INTS11: variants seen among roughly 807,000 people sequenced by gnomAD.
INTS11 encodes integrator complex subunit 11.
Under a neutral mutation model 78.6 loss-of-function variants are expected in INTS11, and 77 were observed. The observed-to-expected ratio is 0.98, with a 90% CI of 0.81 to 1.18. The LOEUF (loss-of-function observed/expected upper bound fraction) is 1.18, where lower values mean the gene tolerates loss of function less well. Ranked by LOEUF, INTS11 falls within the 50% of genes most tolerant of loss-of-function variation. The probability of loss-of-function intolerance (pLI) is 0.00; values close to 1 mark genes in which losing one functional copy is unlikely to be tolerated. For synonymous variants in INTS11, 441 were observed against 326.9 expected (o/e 1.35, Z -3.77); for missense variants, 875 against 825.9 (o/e 1.06, Z -0.73).
In INTS11 at chr1:1,313,720, C is replaced by T. The variant is rs777747786; in HGVS notation, c.957+12G>A. On this transcript the variant is annotated intron_variant, in intron 9 of 16. Transcript: ENST00000435064. ...GTGTGGATGTGCTGGCCGGCCCTGC[C>T]GCGGGCCTCACCATCGGTCCTGGGT... 60 of 1,610,846 alleles carry T rather than the reference C, an allele frequency of 3.7e-5. No homozygotes were observed. Among genetic ancestry groups the T allele is most frequent in the Admixed American group, 6.7e-5 (4 of 59,976 alleles).
chr1:1,312,964 G>A lies in INTS11; in HGVS notation c.1132-15C>T, dbSNP rs562299323. 1.2e-6 allele frequency: 2 copies of A among 1,611,722 alleles called. No homozygotes were observed. Among genetic ancestry groups the A allele is most frequent in the Non-Finnish European group, 8.5e-7 (1 of 1,179,224 alleles). ...TTGACCTCCAGCTACAGAGGCCACG[G>A]GGCGTGGACAGTGGTTACCACCAGG... is the stretch of plus-strand genomic sequence containing the variant. On this transcript the variant is annotated splice_polypyrimidine_tract_variant and intron_variant, in intron 11 of 16. Coordinates refer to ENST00000435064, the MANE Select transcript of INTS11 (RefSeq NM_017871.6).
chr1:1,322,979 G>A lies in INTS11; in HGVS notation c.28+1602C>T, dbSNP rs939850489. On this transcript the variant is annotated intron_variant, in intron 1 of 16. Transcript: ENST00000435064. Reference sequence around the variant, plus strand: ...AAAGATCAGAAAGATCAGATGTCCAGAGAGTGGGCAGAACAGGCAGCCAAG... The same window carrying A: ...AAAGATCAGAAAGATCAGATGTCCAAAGAGTGGGCAGAACAGGCAGCCAAG... The A allele has an allele frequency of 4.4e-6, 6 of 1,375,570 alleles. No individual in the cohort carries two copies. In the African/African-American group the frequency reaches 5.8e-5, roughly 13 times the overall value. 85.2% of individuals were successfully genotyped at this position (1,375,570 alleles called of 1,614,324 possible).
chr1:1,313,455 G>A (rs1642368048), intron 10 of INTS11, 54 bp downstream of exon 10: 3 of 1,590,546 alleles, frequency 1.9e-6, no homozygotes, highest in South Asian at 1.1e-5. Flanking sequence ...ATGGGTGGAA[G>A]GACAACCCGT....
chr1:1,314,074 A>G lies in INTS11; in HGVS notation c.768-153T>C. 1 of 830,030 alleles carries G rather than the reference A, an allele frequency of 1.2e-6. No individual in the cohort carries two copies. The highest frequency in any genetic ancestry group is 1.7e-5 in the African/African-American group (1 of 58,608). The allele number at this position is 830,030 out of a possible 1,614,324, so 51.4% of individuals were successfully genotyped here. On this transcript the variant is annotated intron_variant, in intron 8 of 16. Coordinates refer to ENST00000435064, the MANE Select transcript of INTS11 (RefSeq NM_017871.6). This position sits in a 1 kb window ranked among gnomAD's most constrained non-coding sequence, Gnocchi z 4.2. ...GACCACTTGTCCCATTAAGCCCTGC[A>G]GCAGCCGGGCTCAGCGGAGAACCAG... is the stretch of plus-strand genomic sequence containing the variant.
intron 10 of INTS11, 101 bp from the exon 11 acceptor site, chr1:1,313,225 C>T: frequency 7.3e-7 from 1 of 1,368,262 alleles, no homozygotes; most frequent in South Asian, 1.2e-5. Flanking sequence ...GCTGTTTCCA[C>T]CTGCCAGCGG....
intron 6 of INTS11, 123 bp downstream of exon 6, chr1:1,315,281 A>G: frequency 8.2e-7 from 1 of 1,226,254 alleles, no homozygotes; most frequent in South Asian, 1.3e-5. Context: ...GGGGCTCTCC[A>G]GGCCGCACAG....
chr1:1,315,295 A>G (rs930556944), intron 6 of INTS11, 109 bp downstream of exon 6: 104 of 1,347,426 alleles, frequency 7.7e-5, no homozygotes, highest in Non-Finnish European at 1.1e-4. Context: ...CGCACAGGAC[A>G]TGGGAGACAC....
At position 1,314,442 on chromosome 1, in the gene INTS11, C is replaced by T. The variant is rs1642448964; in HGVS notation, c.703-77G>A. On this transcript the variant is annotated intron_variant, in intron 7 of 16. Coordinates refer to ENST00000435064, the MANE Select transcript of INTS11 (RefSeq NM_017871.6). This position sits in a 1 kb window ranked among gnomAD's most constrained non-coding sequence, Gnocchi z 4.2. ...AGGCAGCGTCCAGTGAGGGCACGGCCAGGTGCCCAAGAGCTGCGGCCTCAT... is the reference window on the plus strand; with the variant it reads ...AGGCAGCGTCCAGTGAGGGCACGGCTAGGTGCCCAAGAGCTGCGGCCTCAT... 2.2e-6 allele frequency: 3 copies of T among 1,345,660 alleles called. No individual in the cohort carries two copies. The highest frequency in any genetic ancestry group is 2.5e-5 in the East Asian group (1 of 40,236). 83.4% of individuals were successfully genotyped at this position (1,345,660 alleles called of 1,614,324 possible). A position where few individuals can be genotyped will look rare whatever the true frequency, so the allele number is the denominator to read the frequency against.
rs754668885 is a variant in INTS11, at chr1:1,314,297, C to T, written c.767+4G>A. 1.3e-6 allele frequency: 2 copies of T among 1,595,282 alleles called. No individual in the cohort carries two copies. The highest frequency in any genetic ancestry group is 1.7e-6 in the Non-Finnish European group (2 of 1,172,344). ...CCTTAAAGAGCCGTCCTGGCGGCAC[C>T]TACCAGAAGGTCTCCAGGAGGATGC... On this transcript the variant is annotated splice_donor_region_variant and intron_variant, in intron 8 of 16. Coordinates refer to ENST00000435064, the MANE Select transcript of INTS11 (RefSeq NM_017871.6). This position sits in a 1 kb window ranked among gnomAD's most constrained non-coding sequence, Gnocchi z 4.2.
At position 1,314,480 on chromosome 1, in the gene INTS11, C is replaced by T. The variant is rs1642450998; in HGVS notation, c.703-115G>A. The T allele has an allele frequency of 3.4e-6, 3 of 880,894 alleles. No homozygotes were observed. Among genetic ancestry groups the T allele is most frequent in the Middle Eastern group, 3.6e-4 (1 of 2,812 alleles). The allele number at this position is 880,894 out of a possible 1,614,324, so 54.6% of individuals were successfully genotyped here. On this transcript the variant is annotated intron_variant, in intron 7 of 16. Coordinates refer to ENST00000435064, the MANE Select transcript of INTS11 (RefSeq NM_017871.6). The surrounding 1 kb of genome is among the most constrained non-coding windows in gnomAD (Gnocchi z 4.2). ...GCTGCGGCCTCATAGGGACCTTAGC[C>T]TCTCATCTGCTCCCAGTCCCGTCCC...
intron 1 of INTS11, chr1:1,322,987 G>A: frequency 7.2e-7 from 1 of 1,382,438 alleles, no homozygotes; most frequent in Non-Finnish European, 9.4e-7. Flanking sequence ...CAGAGAGTGG[G>A]CAGAACAGGC....
intron 1 of INTS11, chr1:1,322,806 C>T (rs1277772369): frequency 6.0e-6 from 5 of 831,324 alleles, no homozygotes; most frequent in African/African-American, 3.6e-5. Context: ...AAGGACACAG[C>T]AGTGGTCCAG....
chr1:1,317,542 G>C, intron 4 of INTS11: 1 of 710,532 alleles, frequency 1.4e-6, no homozygotes, highest in Non-Finnish European at 1.7e-6. Context: ...AGTTTCAAGA[G>C]GTTGAACGTC....
chr1:1,323,617 G>C (rs563247256), intron 1 of INTS11, among the ~76,000 whole-genome samples: 2 of 150,804 alleles, frequency 1.3e-5, no homozygotes, highest in African/African-American at 4.9e-5. Flanking sequence ...TGCCATGTTG[G>C]CTAGGTTGGT....
At position 1,321,051 on chromosome 1, in the gene INTS11, A is replaced by T; in HGVS notation, c.71T>A (p.Ile24Asn). The T allele has an allele frequency of 6.2e-7, 1 of 1,613,038 alleles. No individual in the cohort carries two copies. The highest frequency in any genetic ancestry group is 8.5e-7 in the Non-Finnish European group (1 of 1,179,870). ...DVGRSCILVSIAGKNVMLDCG... is the reference protein window; with the variant it reads ...DVGRSCILVSNAGKNVMLDCG... ...GTCCAGCATGACATTCTTGCCCGCA[A>T]TGGAGACCAGGATGCAGCTTCGGCC... Residue 24 changes from isoleucine to asparagine, a missense_variant, in exon 2 of 17, where the codon ATT becomes AAT. Coordinates refer to ENST00000435064, the MANE Select transcript of INTS11 (RefSeq NM_017871.6).
intron 4 of INTS11, chr1:1,316,742 C>G (rs111741267): frequency 1.3e-5 from 2 of 150,508 alleles, no homozygotes; most frequent in African/African-American, 4.9e-5. Context: ...CTGACCAACA[C>G]GGAAAAAGCC....
intron 4 of INTS11, 27 bp from the exon 5 acceptor site, chr1:1,315,645 CTG>C: frequency 6.6e-7 from 1 of 1,524,100 alleles, no homozygotes; most frequent in African/African-American, 1.4e-5. Context: ...TGCGCTCAGG[CTG>C]TGTCCTCACA....
At position 1,313,798 on chromosome 1, in the gene INTS11, C is replaced by G; in HGVS notation, c.891G>C (p.Arg297Ser). ...NQKIRKTFVQRNMFEFKHIKA... is the reference protein window; with the variant it reads ...NQKIRKTFVQSNMFEFKHIKA... The stretch of plus-strand genomic sequence containing the variant: ...TGATGTGCTTGAACTCAAACATGTT[C>G]CTCTGCACGAAAGTCTTGCGGATCT... The change falls in exon 9 of 17, where the codon AGG becomes AGC. Residue 297 changes from arginine to serine, a missense_variant. Transcript: ENST00000435064. 1 of 1,613,512 alleles carries G rather than the reference C, an allele frequency of 6.2e-7. No homozygotes were observed. Among genetic ancestry groups the G allele is most frequent in the Non-Finnish European group, 8.5e-7 (1 of 1,179,992 alleles).
At position 1,319,437 on chromosome 1, in the gene INTS11, G is replaced by T. The variant is rs1455773218; in HGVS notation, c.288C>A (p.Thr96=). 1 of 1,612,998 alleles carries T rather than the reference G, an allele frequency of 6.2e-7. No homozygotes were observed. The highest frequency in any genetic ancestry group is 1.3e-5 in the African/African-American group (1 of 75,050). ...YDGPIYMTHP[T]QAICPILLED... ...CCAGCAAGATGGGGCAGATGGCCTGGGTGGGGTGAGTCATGTAGATGGGCC... is the reference window on the plus strand; with the variant it reads ...CCAGCAAGATGGGGCAGATGGCCTGTGTGGGGTGAGTCATGTAGATGGGCC... The change falls in exon 4 of 17, where the codon ACC becomes ACA. Residue 96 remains threonine, a synonymous_variant. Coordinates refer to ENST00000435064, the MANE Select transcript of INTS11 (RefSeq NM_017871.6).
Sources: gnomAD v4.1 joint callset for allele counts (sites outside exome capture counted in the v4.1 genomes callset) on GRCh38, gnomAD v4.1.1 for gene constraint, Gnocchi (gnomAD v3.1) non-coding constraint, MANE v1.5 for transcripts, NCBI Gene and HGNC (gene_info 2026-07-23, HGNC 2026-07-21) for gene names.